SFRP5: variants seen among roughly 807,000 people sequenced by gnomAD.
The protein encoded by SFRP5 is secreted frizzled-related protein 5.
SFRP5 carries 22 observed loss-of-function variants against 27.0 expected under a neutral mutation model. The observed-to-expected ratio is 0.82, with a 90% confidence interval of 0.58 to 1.17. The LOEUF (loss-of-function observed/expected upper bound fraction) is 1.17. Among genes scored for constraint, SFRP5 ranks in the 50% most tolerant of loss-of-function variants. SFRP5 has a pLI of 0.00. For missense variants in SFRP5, 406 were observed against 436.6 expected (o/e 0.93, Z 0.63); for synonymous variants, 171 against 195.0 (o/e 0.88, Z 1.03).
intron 1 of SFRP5, 103 bp from the exon 2 acceptor site, chr10:97,769,848 C>A: frequency 2.7e-6 from 2 of 733,176 alleles, no homozygotes; most frequent in South Asian, 1.5e-5. Context: ...AGCCACTTCC[C>A]CTTGCCAAGC....
At position 97,767,187 on chromosome 10, in the gene SFRP5, C is replaced by T. The variant is rs1008008239; in HGVS notation, c.*327G>A. 1.3e-5 allele frequency: 3 copies of T among 236,440 alleles called. No homozygotes were observed. Among genetic ancestry groups the T allele is most frequent in the African/African-American group, 2.2e-5 (1 of 44,536 alleles). 14.6% of individuals were successfully genotyped at this position (236,440 alleles called of 1,614,324 possible). On this transcript the variant is annotated 3_prime_UTR_variant, in exon 3 of 3. Transcript: ENST00000266066. ...GACAGAGGGGAGCTGGAGCTGACAC[C>T]ACCTTCTACTCTGAAACCTCCGCCT...
chr10:97,769,879 A>G (rs1317241086), intron 1 of SFRP5, 134 bp from the exon 2 acceptor site: 21 of 667,582 alleles, frequency 3.1e-5, no homozygotes, highest in Non-Finnish European at 4.7e-5. Context: ...TTATCAGGAG[A>G]TGGGATGATG....
Position 97,771,744 on chromosome 10 carries a change from C to G in SFRP5, c.90G>C (p.Glu30Asp). The change falls in exon 1 of 3, where the codon GAG becomes GAC. Residue 30 changes from glutamate (E) to aspartate (D), a missense_variant. Glu to Asp is a conservative substitution (Grantham distance 45, BLOSUM62 2). Coordinates refer to ENST00000266066, the MANE Select transcript of SFRP5 (RefSeq NM_003015.3). This position sits in a 1 kb window ranked among gnomAD's most constrained non-coding sequence, Gnocchi z 5.2. ...GALHWAPARCEEYDYYGWQAE... is the reference protein window; with the variant it reads ...GALHWAPARCDEYDYYGWQAE... ...CCTGCCAGCCATAGTAGTCGTACTCCTCGCAGCGCGCCGGCGCCCAGTGCA... is the reference window on the plus strand; with the variant it reads ...CCTGCCAGCCATAGTAGTCGTACTCGTCGCAGCGCGCCGGCGCCCAGTGCA... The G allele has an allele frequency of 6.3e-7, 1 of 1,592,978 alleles. No homozygotes were observed. The highest frequency in any genetic ancestry group is 8.5e-7 in the Non-Finnish European group (1 of 1,178,144).
Position 97,767,465 on chromosome 10 carries a change from G to A in SFRP5, c.*49C>T, listed in dbSNP as rs1465584850. 2 of 1,439,796 alleles carry A rather than the reference G, an allele frequency of 1.4e-6. No individual in the cohort carries two copies. The highest frequency in any genetic ancestry group is 2.3e-5 in the East Asian group (1 of 43,648). The allele number at this position is 1,439,796 out of a possible 1,614,324, so 89.2% of individuals were successfully genotyped here. The stretch of plus-strand genomic sequence containing the variant: ...CGGGTCAGCCTGGAAGTTGGGGCGG[G>A]GCCAGAGGGCAAGCAAGGCACAGCT... On this transcript the variant is annotated 3_prime_UTR_variant, in exon 3 of 3. Coordinates refer to ENST00000266066, the MANE Select transcript of SFRP5 (RefSeq NM_003015.3).
At position 97,769,660 on chromosome 10, in the gene SFRP5, A is replaced by T; in HGVS notation, c.607+8T>A. The stretch of plus-strand genomic sequence containing the variant: ...TCGGGGCAGTGGCAGCGTGGGCCCC[A>T]CACTCACCAAAGTCACTGGAGCACA... On this transcript the variant is annotated splice_region_variant and intron_variant, in intron 2 of 2. Coordinates refer to ENST00000266066, the MANE Select transcript of SFRP5 (RefSeq NM_003015.3). The T allele has an allele frequency of 6.2e-7, 1 of 1,605,554 alleles. No homozygotes were observed. Among genetic ancestry groups the T allele is most frequent in the Non-Finnish European group, 8.5e-7 (1 of 1,173,988 alleles).
Position 97,767,350 on chromosome 10 carries a change from C to T in SFRP5, c.*164G>A, listed in dbSNP as rs2049490241. 1.7e-6 allele frequency: 1 copy of T among 583,276 alleles called. No individual in the cohort carries two copies. The highest frequency in any genetic ancestry group is 3.0e-6 in the Non-Finnish European group (1 of 337,170). 36.1% of individuals were successfully genotyped at this position (583,276 alleles called of 1,614,324 possible). On this transcript the variant is annotated 3_prime_UTR_variant, in exon 3 of 3. Coordinates refer to ENST00000266066, the MANE Select transcript of SFRP5 (RefSeq NM_003015.3). Reference sequence around the variant, plus strand: ...CCAACATCCCAGGGACCCCAGGACCCCTGGGTCAAAAAGGACAGCCTGGGC... The same window carrying T: ...CCAACATCCCAGGGACCCCAGGACCTCTGGGTCAAAAAGGACAGCCTGGGC...
At position 97,771,329 on chromosome 10, in the gene SFRP5, G is replaced by T; in HGVS notation, c.505C>A (p.His169Asn). The change falls in exon 1 of 3, where the codon CAC becomes AAC. Residue 169 changes from histidine (H) to asparagine (N), a missense_variant. His to Asn is a moderately conservative substitution (Grantham distance 68). Coordinates refer to ENST00000266066, the MANE Select transcript of SFRP5 (RefSeq NM_003015.3). This position sits in a 1 kb window ranked among gnomAD's most constrained non-coding sequence, Gnocchi z 5.2. ...NDLCIAVQFG[H>N]LPATAPPVTK... ...CCTGGAGGCGCGGTGGCGGGCAGGT[G>T]CCCGAACTGCACGGCGATGCAGAGG... The T allele has an allele frequency of 1.9e-6, 3 of 1,589,888 alleles. No individual in the cohort carries two copies. The highest frequency in any genetic ancestry group is 2.3e-5 in the East Asian group (1 of 43,694).
chr10:97,771,778 A>C lies in SFRP5; in HGVS notation c.56T>G (p.Leu19Arg), dbSNP rs1412077503. ...GVRTAALALLLGALHWAPARC... is the reference protein window; with the variant it reads ...GVRTAALALLRGALHWAPARC... Reference sequence around the variant, plus strand: ...CGCCGGCGCCCAGTGCAGCGCCCCCAGCAGCAGCGCCAGCGCGGCCGTCCG... The same window carrying C: ...CGCCGGCGCCCAGTGCAGCGCCCCCCGCAGCAGCGCCAGCGCGGCCGTCCG... Residue 19 changes from leucine (L) to arginine (R), a missense_variant, in exon 1 of 3, where the codon CTG (leucine) becomes CGG (arginine). By Grantham distance (102) the Leu-to-Arg change is moderately radical. Coordinates refer to ENST00000266066, the MANE Select transcript of SFRP5 (RefSeq NM_003015.3). The surrounding 1 kb of genome is among the most constrained non-coding windows in gnomAD (Gnocchi z 5.2). 6.8e-7 allele frequency: 1 copy of C among 1,471,434 alleles called. No homozygotes were observed. Among genetic ancestry groups the C allele is most frequent in the Admixed American group, 2.1e-5 (1 of 47,490 alleles). The allele number at this position is 1,471,434 out of a possible 1,614,324, so 91.1% of individuals were successfully genotyped here.
Position 97,767,503 on chromosome 10 carries a change from A to G in SFRP5, c.*11T>C, listed in dbSNP as rs1339699275. The G allele has an allele frequency of 3.2e-6, 5 of 1,575,608 alleles. No homozygotes were observed. In the African/African-American group the frequency reaches 6.7e-5, roughly 21 times the overall value. On this transcript the variant is annotated 3_prime_UTR_variant, in exon 3 of 3. Coordinates refer to ENST00000266066, the MANE Select transcript of SFRP5 (RefSeq NM_003015.3). ...GCAAGGCACAGCTGGCAGGGCAAGG[A>G]GGAGTGCCCTTCAGTGGGGCTCTGC... is the stretch of plus-strand genomic sequence containing the variant.
At position 97,766,798 on chromosome 10, in the gene SFRP5, C is replaced by T. The variant is rs1196183569; in HGVS notation, c.*716G>A. On this transcript the variant is annotated 3_prime_UTR_variant, in exon 3 of 3. Transcript: ENST00000266066. ...TAAAAAGTTAAAAAAATTAGAAAAC[C>T]CAACCCTGCATGTATTGGTTGTCTA... 1 of 152,032 alleles carries T rather than the reference C, an allele frequency of 6.6e-6. No individual in the cohort carries two copies. Among genetic ancestry groups the T allele is most frequent in the Non-Finnish European group, 1.5e-5 (1 of 68,024 alleles). 9.4% of individuals were successfully genotyped at this position (152,032 alleles called of 1,614,324 possible).
At position 97,767,245 on chromosome 10, in the gene SFRP5, A is replaced by C; in HGVS notation, c.*269T>G. 1 of 364,938 alleles carries C rather than the reference A, an allele frequency of 2.7e-6. No homozygotes were observed. The highest frequency in any genetic ancestry group is 4.9e-6 in the Non-Finnish European group (1 of 203,480). The allele number at this position is 364,938 out of a possible 1,614,324, so 22.6% of individuals were successfully genotyped here. On this transcript the variant is annotated 3_prime_UTR_variant, in exon 3 of 3. Coordinates refer to ENST00000266066, the MANE Select transcript of SFRP5 (RefSeq NM_003015.3). ...CCCTGAGCCCCTCCACCTTTCCCTT[A>C]CCCTCTCCTCCCCTGCCTACTTTCT...
At position 97,771,777 on chromosome 10, in the gene SFRP5, C is replaced by G; in HGVS notation, c.57G>C (p.Leu19=). 6.8e-7 allele frequency: 1 copy of G among 1,473,748 alleles called. No individual in the cohort carries two copies. The highest frequency in any genetic ancestry group is 1.4e-5 in the South Asian group (1 of 71,928). The allele number at this position is 1,473,748 out of a possible 1,614,324, so 91.3% of individuals were successfully genotyped here. The part of the protein sequence containing the change: ...GVRTAALALL[L]GALHWAPARC... ...GCGCCGGCGCCCAGTGCAGCGCCCC[C>G]AGCAGCAGCGCCAGCGCGGCCGTCC... Residue 19 remains leucine, a synonymous_variant, in exon 1 of 3, where the codon CTG becomes CTC. Coordinates refer to ENST00000266066, the MANE Select transcript of SFRP5 (RefSeq NM_003015.3). This position sits in a 1 kb window ranked among gnomAD's most constrained non-coding sequence, Gnocchi z 5.2.
At position 97,771,632 on chromosome 10, in the gene SFRP5, A is replaced by G; in HGVS notation, c.202T>C (p.Tyr68His). The change falls in exon 1 of 3, where the codon TAC becomes CAC. Residue 68 changes from tyrosine (Y) to histidine (H), a missense_variant. Coordinates refer to ENST00000266066, the MANE Select transcript of SFRP5 (RefSeq NM_003015.3). The surrounding 1 kb of genome is among the most constrained non-coding windows in gnomAD (Gnocchi z 5.2). ...AGGTTGGGCAGCCGCATGCGCTTGT[A>G]GCCCACCGTGTGGCAGAGCGGCAGG... ...ADLPLCHTVGYKRMRLPNLLE... is the reference protein window; with the variant it reads ...ADLPLCHTVGHKRMRLPNLLE... The G allele has an allele frequency of 6.2e-7, 1 of 1,608,530 alleles. No individual in the cohort carries two copies. Among genetic ancestry groups the G allele is most frequent in the Non-Finnish European group, 8.5e-7 (1 of 1,179,660 alleles).
rs757917063 is a variant in SFRP5 at position 97,771,807 on chromosome 10, GCCC to G, written c.24_26del (p.Gly9del). 357 of 1,141,882 alleles carry G rather than the reference GCCC, an allele frequency of 3.1e-4. 8 individuals are homozygous for G. Among genetic ancestry groups the G allele is most frequent in the Middle Eastern group, 6.9e-4 (2 of 2,892 alleles). 70.7% of individuals were successfully genotyped at this position (1,141,882 alleles called of 1,614,324 possible). A position where few individuals can be genotyped will look rare whatever the true frequency, so the allele number is the denominator to read the frequency against. The stretch of plus-strand genomic sequence containing the variant: ...GCAGCGCCAGCGCGGCCGTCCGCAC[GCCC>G]CCCCCCGCCGCCGCCGCCCGCATGG... On this transcript the variant is annotated inframe_deletion, in exon 1 of 3. Transcript: ENST00000266066. The surrounding 1 kb of genome is among the most constrained non-coding windows in gnomAD (Gnocchi z 5.2).
intron 2 of SFRP5, 22 bp from the exon 3 acceptor site, chr10:97,767,882 G>A: frequency 5.3e-6 from 8 of 1,503,368 alleles, no homozygotes; most frequent in Non-Finnish European, 6.2e-6. Context: ...AAGGACAGGG[G>A]CAAGTTGGGA....
intron 1 of SFRP5, among the ~76,000 whole-genome samples, chr10:97,770,709 C>G (rs1398878041): frequency 2.0e-5 from 3 of 152,204 alleles, no homozygotes; most frequent in African/African-American, 7.2e-5. Context: ...TGAGCCTTAC[C>G]CGAATGACTC....
rs192466984 is a variant in SFRP5, at chr10:97,769,545, G to A, written c.607+123C>T. 220 of 677,924 alleles carry A rather than the reference G, an allele frequency of 3.2e-4. 1 individual carries two copies. In the East Asian group the frequency reaches 5.9e-3, roughly 18 times the overall value. 42.0% of individuals were successfully genotyped at this position (677,924 alleles called of 1,614,324 possible). A position where few individuals can be genotyped will look rare whatever the true frequency, so the allele number is the denominator to read the frequency against. On this transcript the variant is annotated intron_variant, in intron 2 of 2. Transcript: ENST00000266066. The stretch of plus-strand genomic sequence containing the variant: ...GGTTATAATTGGCTTCTAAACGGGA[G>A]CCATGATGCAAAAACTGTTGGGATT...
At chr10:97,768,564 A>G (rs1009470869) in intron 2 of SFRP5, among the ~76,000 whole-genome samples, 2 of 152,196 alleles carry the variant, frequency 1.3e-5, no homozygotes, top group Admixed American at 6.5e-5. Context: ...ACACCACTGT[A>G]CAGTAATGTG....
At chr10:97,768,230 G>A (rs183988958) in intron 2 of SFRP5, among the ~76,000 whole-genome samples, 7 of 152,186 alleles carry the variant, frequency 4.6e-5, no homozygotes, top group East Asian at 1.9e-4. Flanking sequence ...GACTGGGGCC[G>A]ACTGCTTGGA....
Sources: gnomAD v4.1 joint callset for allele counts (sites outside exome capture counted in the v4.1 genomes callset) on GRCh38, gnomAD v4.1.1 for gene constraint, Gnocchi (gnomAD v3.1) non-coding constraint, MANE v1.5 for transcripts, NCBI Gene and HGNC (gene_info 2026-07-23, HGNC 2026-07-21) for gene names.